LRRC49: variants seen among roughly 807,000 people sequenced by gnomAD.
LRRC49 encodes the protein leucine rich repeat containing 49, also known as leucine-rich repeat-containing protein 49.
LRRC49 carries 50 observed loss-of-function variants against 83.3 expected under a neutral mutation model. That is an observed-to-expected ratio of 0.60 (90% CI 0.48 to 0.76). LRRC49 has a LOEUF of 0.76. LRRC49 is among the 30% of genes least tolerant of loss of function. The pLI is 0.00. For synonymous variants in LRRC49, 286 were observed against 283.3 expected (o/e 1.01, Z -0.10); for missense variants, 704 against 809.1 (o/e 0.87, Z 1.58).
At position 70,862,327 on chromosome 15, in the gene LRRC49, C is replaced by T. The variant is rs150022031; in HGVS notation, c.-299+8858C>T. On this transcript the variant is annotated intron_variant, in intron 1 of 16. Coordinates refer to the LRRC49 transcript ENST00000544974. ...GGCGCGGTGGCTCACGCCTGTAATC[C>T]CAGCACTTTGGGAGGCCGAGGCGGG... is the stretch of plus-strand genomic sequence containing the variant. 1.6e-4 allele frequency among the ~76,000 whole-genome samples: 25 copies of T among 152,208 alleles called. No individual in the cohort carries two copies. The East Asian group carries it at 4.8e-3, about 29-fold the overall frequency.
intron 8 of LRRC49, among the ~76,000 whole-genome samples, chr15:70,961,639 T>C (rs982449418): frequency 8.6e-5 from 13 of 152,034 alleles, no homozygotes; most frequent in Non-Finnish European, 4.4e-5. Context: ...GTGAAAGAAG[T>C]CAATCTGAAA....
chr15:71,039,730 G>C (rs1393091819), intron 15 of LRRC49, among the ~76,000 whole-genome samples: 1 of 152,164 alleles, frequency 6.6e-6, no homozygotes, highest in Non-Finnish European at 1.5e-5. Context: ...CGGATATGGA[G>C]GGCCAACTGT....
intron 7 of LRRC49, 106 bp downstream of exon 7, chr15:70,919,299 A>G (rs943874811): frequency 9.6e-7 from 1 of 1,041,170 alleles, no homozygotes; most frequent in African/African-American, 1.6e-5. Flanking sequence ...ACGGTTATTT[A>G]GGTTTTTTCT....
At chr15:70,921,508 G>C (rs1315624290) in intron 7 of LRRC49, among the ~76,000 whole-genome samples, 1 of 152,194 alleles carries the variant, frequency 6.6e-6, no homozygotes, top group Non-Finnish European at 1.5e-5. Context: ...TGAGTAGACA[G>C]ATCTTTGATT....
At chr15:70,996,313 A>G (rs985329886) in intron 11 of LRRC49, among the ~76,000 whole-genome samples, 1 of 152,106 alleles carries the variant, frequency 6.6e-6, no homozygotes, top group Non-Finnish European at 1.5e-5. Context: ...TAGAACTGAA[A>G]TTTAGAGATA....
chr15:71,027,502 G>A (rs1007510579), intron 14 of LRRC49, among the ~76,000 whole-genome samples: 2 of 152,102 alleles, frequency 1.3e-5, no homozygotes, highest in Admixed American at 6.5e-5. Flanking sequence ...AGCTTGATGG[G>A]AATAGCATTG....
intron 10 of LRRC49, among the ~76,000 whole-genome samples, chr15:70,983,055 A>C (rs142033549): frequency 1.0e-3 from 154 of 152,286 alleles, no homozygotes; most frequent in Admixed American, 2.2e-3. Context: ...TTTTCAATGC[A>C]GGATTGTAGT....
upstream of LRRC49, chr15:70,892,226 G>A (rs763345768): frequency 5.0e-6 from 8 of 1,594,368 alleles, no homozygotes. Flanking sequence ...CGACTTCCCA[G>A]ACTTGGTGGT....
chr15:71,036,990 T>A (rs1361421296), intron 14 of LRRC49, among the ~76,000 whole-genome samples, 189 bp from the exon 15 acceptor site: 2 of 152,090 alleles, frequency 1.3e-5, no homozygotes, highest in Non-Finnish European at 2.9e-5. Context: ...GAAAAAATAA[T>A]TGGGGCTGAA....
chr15:70,862,663 T>C (rs1350473891), intron 1 of LRRC49, among the ~76,000 whole-genome samples: 1 of 151,324 alleles, frequency 6.6e-6, no homozygotes, highest in Non-Finnish European at 1.5e-5. Context: ...TCAGGCATTA[T>C]ACCTAGCTTT....
At chr15:70,955,116 A>G (rs924781152) in intron 8 of LRRC49, among the ~76,000 whole-genome samples, 16 of 152,160 alleles carry the variant, frequency 1.1e-4, no homozygotes, top group African/African-American at 3.9e-4. Context: ...CGCAGGCAGG[A>G]GGCCTGGAAT....
intron 14 of LRRC49, among the ~76,000 whole-genome samples, chr15:71,029,158 T>C (rs1328632340): frequency 2.0e-5 from 3 of 152,226 alleles, no homozygotes; most frequent in Admixed American, 6.5e-5. Context: ...TTTGTTCTCA[T>C]TGGTTTTAAA....
rs1567081054 is a variant in LRRC49, at chr15:70,980,196, G to A, written c.1005+12G>A. On this transcript the variant is annotated intron_variant, in intron 10 of 15. Transcript: ENST00000260382. ...AATCTTTGCTTAAGGTATTTTCTCT[G>A]ATGTCTACATGGATGTGTGTGCACA... is the stretch of plus-strand genomic sequence containing the variant. 6.3e-7 allele frequency: 1 copy of A among 1,594,610 alleles called. No individual in the cohort carries two copies. Among genetic ancestry groups the A allele is most frequent in the East Asian group, 2.2e-5 (1 of 44,676 alleles).
intron 1 of LRRC49, chr15:70,860,278 G>T: frequency 1.8e-6 from 1 of 561,690 alleles, no homozygotes; most frequent in Non-Finnish European, 3.2e-6. Flanking sequence ...CTCAGCCCAA[G>T]CCCTCAGCCC....
intron 15 of LRRC49, among the ~76,000 whole-genome samples, chr15:71,047,996 G>C (rs533859980): frequency 6.6e-6 from 1 of 151,336 alleles, no homozygotes; most frequent in African/African-American, 2.4e-5. Context: ...GGCTAGTCTC[G>C]AACTCCTGAC....
chr15:71,015,193 G>A (rs1302739928), intron 14 of LRRC49, among the ~76,000 whole-genome samples: 2 of 152,166 alleles, frequency 1.3e-5, no homozygotes, highest in Non-Finnish European at 2.9e-5. Flanking sequence ...TTAAGAAGAG[G>A]ATGTTTGGTC....
intron 14 of LRRC49, among the ~76,000 whole-genome samples, chr15:71,015,914 C>T (rs541614638): frequency 1.8e-4 from 27 of 152,008 alleles, no homozygotes; most frequent in Admixed American, 2.6e-4. Context: ...ATCAATAGAG[C>T]GAGACGAATT....
intron 8 of LRRC49, among the ~76,000 whole-genome samples, chr15:70,949,306 C>A (rs2036129222): frequency 1.3e-5 from 2 of 152,202 alleles, no homozygotes; most frequent in Non-Finnish European, 2.9e-5. Context: ...GTTACCTAGA[C>A]TATAAAGGAG....
chr15:70,880,250 C>T (rs2033236237), intron 2 of LRRC49, among the ~76,000 whole-genome samples: 1 of 152,200 alleles, frequency 6.6e-6, no homozygotes, highest in African/African-American at 2.4e-5. Context: ...TCTCCCCCCA[C>T]CTCAATTAAC....
Sources: gnomAD v4.1 joint callset for allele counts (sites outside exome capture counted in the v4.1 genomes callset) on GRCh38, gnomAD v4.1.1 for gene constraint, MANE v1.5 for transcripts, NCBI Gene and HGNC (gene_info 2026-07-23, HGNC 2026-07-21) for gene names.